MTO1: variants seen among roughly 807,000 people sequenced by gnomAD.
The protein encoded by MTO1 is mitochondrial tRNA translation optimization 1, also known as 5-taurinomethyluridine-[tRNA] synthase subunit MTO1, mitochondrial.
Under a neutral mutation model 71.6 loss-of-function variants are expected in MTO1, and 46 were observed. The ratio of observed to expected loss-of-function variants is 0.64; its 90% CI spans 0.51 to 0.82. MTO1 has a LOEUF of 0.82. MTO1 is among the 40% of genes least tolerant of loss of function. MTO1 has a pLI of 0.00. For synonymous variants in MTO1, 297 were observed against 312.1 expected (o/e 0.95, Z 0.51); for missense variants, 773 against 867.5 (o/e 0.89, Z 1.37).
At chr6:73,493,832 T>C (rs1771905236) in intron 10 of MTO1, among the ~76,000 whole-genome samples, 1 of 152,190 alleles carries the variant, frequency 6.6e-6, no homozygotes, top group Admixed American at 6.5e-5. Context: ...GACAAATACT[T>C]ACTTTGTATC....
In MTO1 at chr6:73,497,728, T is replaced by G. The variant is rs1367225864; in HGVS notation, c.1757-8T>G. ...GTATTATAACATGATTCTGATTTTG[T>G]TGACCAGCCACTTATGAATCAGTGT... On this transcript the variant is annotated splice_region_variant and splice_polypyrimidine_tract_variant and intron_variant, in intron 10 of 11. Coordinates refer to ENST00000498286, the MANE Select transcript of MTO1 (RefSeq NM_012123.4). The G allele has an allele frequency of 3.7e-6, 6 of 1,608,628 alleles. No homozygotes were observed. The highest frequency in any genetic ancestry group is 5.1e-6 in the Non-Finnish European group (6 of 1,175,782).
chr6:73,480,227 G>T (rs553871124), intron 6 of MTO1, 101 bp downstream of exon 6: 14 of 1,150,294 alleles, frequency 1.2e-5, no homozygotes, highest in African/African-American at 1.1e-4. Flanking sequence ...AGCCTCAGAA[G>T]ATGAAGCCCA....
rs1423259349 is a variant in MTO1, at chr6:73,461,949, C to G, written c.95C>G (p.Pro32Arg). ...LARLSSDSAA[P>R]RTPHFDVIVI... is the part of the protein sequence containing the mutation. ...CGGTTGAGCAGTGACAGCGCGGCGCCCCGGACTCCGCACTTCGACGTGATA... is the reference window on the plus strand; with the variant it reads ...CGGTTGAGCAGTGACAGCGCGGCGCGCCGGACTCCGCACTTCGACGTGATA... Residue 32 changes from proline to arginine, a missense_variant, in exon 1 of 12, where the codon CCC becomes CGC. Pro to Arg is a moderately radical substitution (Grantham distance 103, BLOSUM62 -2). Transcript: ENST00000498286. 1.2e-6 allele frequency: 2 copies of G among 1,614,240 alleles called. No individual in the cohort carries two copies. The highest frequency in any genetic ancestry group is 3.3e-5 in the Admixed American group (2 of 60,032).
At chr6:73,490,498 T>C (rs1290468122) in intron 9 of MTO1, among the ~76,000 whole-genome samples, 2 of 152,182 alleles carry the variant, frequency 1.3e-5, no homozygotes, top group African/African-American at 4.8e-5. Context: ...CAGTTTCAGC[T>C]TTCTACATAT....
chr6:73,480,661 T>C lies in MTO1; in HGVS notation c.1130-14T>C, dbSNP rs1322793205. ...TCTGTATTTACTTATTTAATGTCTTTGTTCTTTGGTCAGGCTACGGTGTTC... is the reference window on the plus strand; with the variant it reads ...TCTGTATTTACTTATTTAATGTCTTCGTTCTTTGGTCAGGCTACGGTGTTC... On this transcript the variant is annotated splice_polypyrimidine_tract_variant and intron_variant, in intron 6 of 11. Coordinates refer to ENST00000498286, the MANE Select transcript of MTO1 (RefSeq NM_012123.4). 6.2e-7 allele frequency: 1 copy of C among 1,613,328 alleles called. No individual in the cohort carries two copies. The highest frequency in any genetic ancestry group is 8.5e-7 in the Non-Finnish European group (1 of 1,179,576).
intron 3 of MTO1, among the ~76,000 whole-genome samples, chr6:73,467,117 C>G (rs1038627605): frequency 3.3e-5 from 5 of 151,870 alleles, no homozygotes; most frequent in African/African-American, 1.2e-4. Flanking sequence ...AGTTTGAGAC[C>G]AGCCTCGGCA....
chr6:73,473,851 A>G (rs975904211), intron 4 of MTO1, among the ~76,000 whole-genome samples, 197 bp downstream of exon 4: 7 of 150,056 alleles, frequency 4.7e-5, no homozygotes, highest in South Asian at 2.1e-4. Flanking sequence ...CAGTGGTACA[A>G]TTATGGGTCA....
At chr6:73,496,865 T>C (rs1038065614) in intron 10 of MTO1, among the ~76,000 whole-genome samples, 4 of 151,802 alleles carry the variant, frequency 2.6e-5, no homozygotes, top group Non-Finnish European at 4.4e-5. Flanking sequence ...CCAGCCTGGC[T>C]AACATGGTGA....
chr6:73,480,641 A>G (rs1308138649), intron 6 of MTO1, 34 bp from the exon 7 acceptor site: 5 of 1,611,256 alleles, frequency 3.1e-6, no homozygotes, highest in Non-Finnish European at 4.2e-6. Flanking sequence ...CCAGCTCTGT[A>G]TTTACTTATT....
Position 73,461,738 on chromosome 6 carries a change from T to C in MTO1, c.-117T>C. ...TCAGCGGCGACGCTGGACGTAGACGTCCTACCCCGTGATATTAAAGCAAGA... is the reference window on the plus strand; with the variant it reads ...TCAGCGGCGACGCTGGACGTAGACGCCCTACCCCGTGATATTAAAGCAAGA... On this transcript the variant is annotated 5_prime_UTR_variant, in exon 1 of 12. Coordinates refer to ENST00000498286, the MANE Select transcript of MTO1 (RefSeq NM_012123.4). 1 of 1,135,708 alleles carries C rather than the reference T, an allele frequency of 8.8e-7. No individual in the cohort carries two copies. The highest frequency in any genetic ancestry group is 2.3e-5 in the Admixed American group (1 of 43,982). 70.4% of individuals were successfully genotyped at this position (1,135,708 alleles called of 1,614,324 possible). A position where few individuals can be genotyped will look rare whatever the true frequency, so the allele number is the denominator to read the frequency against.
At position 73,509,044 on chromosome 6, in the gene MTO1, T is replaced by C. The variant is rs1396522465; in HGVS notation, c.*8309T>C. 1 of 152,242 alleles carries C rather than the reference T, an allele frequency of 6.6e-6. No homozygotes were observed. Among genetic ancestry groups the C allele is most frequent in the Admixed American group, 6.5e-5 (1 of 15,282 alleles). The allele number at this position is 152,242 out of a possible 1,614,324, so 9.4% of individuals were successfully genotyped here. On this transcript the variant is annotated 3_prime_UTR_variant, in exon 12 of 12. Coordinates refer to ENST00000498286, the MANE Select transcript of MTO1 (RefSeq NM_012123.4). ...ACAGCACTAGAAGTCAAACTCAAAT[T>C]GCTTACATGGTAACTTGGTTTATCC...
chr6:73,497,758 C>T lies in MTO1; in HGVS notation c.1779C>T (p.Phe593=). The T allele has an allele frequency of 6.2e-7, 1 of 1,613,686 alleles. No individual in the cohort carries two copies. The highest frequency in any genetic ancestry group is 8.5e-7 in the Non-Finnish European group (1 of 1,179,758). Residue 593 remains phenylalanine (F), a synonymous_variant, in exon 11 of 12, where the codon TTC becomes TTT. Coordinates refer to ENST00000498286, the MANE Select transcript of MTO1 (RefSeq NM_012123.4). ...CAGCCACTTATGAATCAGTGTTGTT[C>T]CATCAACTACAAGAAATAAAGGGAG... is the stretch of plus-strand genomic sequence containing the variant. ...KIEATYESVL[F]HQLQEIKGVQ... is the part of the protein sequence containing the mutation.
Position 73,482,290 on chromosome 6 carries a change from A to C in MTO1, c.1465+46A>C, listed in dbSNP as rs751835067. 3.1e-6 allele frequency: 5 copies of C among 1,602,088 alleles called. No individual in the cohort carries two copies. The African/African-American group carries it at 4.0e-5, about 13-fold the overall frequency. On this transcript the variant is annotated intron_variant, in intron 8 of 11. Transcript: ENST00000498286. Reference sequence around the variant, plus strand: ...GCAATCCAGCCAGGCATGGTGGCTCACACCTATAATCCAAGCAATTTGAGA... The same window carrying C: ...GCAATCCAGCCAGGCATGGTGGCTCCCACCTATAATCCAAGCAATTTGAGA...
chr6:73,498,253 C>G (rs560870879), intron 11 of MTO1, among the ~76,000 whole-genome samples: 2 of 151,386 alleles, frequency 1.3e-5, no homozygotes, highest in Non-Finnish European at 2.9e-5. Context: ...TCTTGTGTTT[C>G]TAAGACAGAT....
rs772600836 is a variant in MTO1, at chr6:73,482,055, A to G, written c.1276A>G (p.Ile426Val). ...EAAAQGVIAG[I>V]NASLRVSRKP... ...GCTCTTGTAGGGTGTGATAGCCGGA[A>G]TCAACGCCAGTCTTCGGGTCAGTCG... Residue 426 changes from isoleucine (I) to valine (V), a missense_variant, in exon 8 of 12, where the codon ATC becomes GTC. Coordinates refer to ENST00000498286, the MANE Select transcript of MTO1 (RefSeq NM_012123.4). 2 of 1,614,156 alleles carry G rather than the reference A, an allele frequency of 1.2e-6. No homozygotes were observed. Among genetic ancestry groups the G allele is most frequent in the South Asian group, 2.2e-5 (2 of 91,084 alleles).
intron 9 of MTO1, among the ~76,000 whole-genome samples, chr6:73,491,637 A>C (rs993795113): frequency 1.3e-5 from 2 of 152,184 alleles, no homozygotes; most frequent in Non-Finnish European, 2.9e-5. Flanking sequence ...GTGCTTAGGG[A>C]ATTCAGTGAA....
chr6:73,468,089 G>A (rs761523830), intron 3 of MTO1, among the ~76,000 whole-genome samples: 9 of 152,148 alleles, frequency 5.9e-5, no homozygotes, highest in Non-Finnish European at 1.3e-4. Flanking sequence ...AGAGTGCTGG[G>A]ATTACAGCTG....
In MTO1 at chr6:73,503,884, T is replaced by C. The variant is rs559744134; in HGVS notation, c.*3149T>C. On this transcript the variant is annotated 3_prime_UTR_variant, in exon 12 of 12. Coordinates refer to ENST00000498286, the MANE Select transcript of MTO1 (RefSeq NM_012123.4). Reference sequence around the variant, plus strand: ...TGTTACTGATGGTTTTAAAAGTATTTTGTCATTTTTTAGTTTCAACCTAGA... The same window carrying C: ...TGTTACTGATGGTTTTAAAAGTATTCTGTCATTTTTTAGTTTCAACCTAGA... The C allele has an allele frequency of 9.8e-5, 15 of 152,322 alleles. No homozygotes were observed. The highest frequency in any genetic ancestry group is 3.1e-4 in the African/African-American group (13 of 41,582). The allele number at this position is 152,322 out of a possible 1,614,324, so 9.4% of individuals were successfully genotyped here.
rs1772352489 is a variant in MTO1 at position 73,508,812 on chromosome 6, A to G, written c.*8077A>G. On this transcript the variant is annotated 3_prime_UTR_variant, in exon 12 of 12. Coordinates refer to ENST00000498286, the MANE Select transcript of MTO1 (RefSeq NM_012123.4). ...ATATATAGAATCCTGCAAGAGGCTC[A>G]ACAGGGAAGTCCAAAGAGTCAATCA... 6.6e-6 allele frequency: 1 copy of G among 152,232 alleles called. No homozygotes were observed. The highest frequency in any genetic ancestry group is 6.5e-5 in the Admixed American group (1 of 15,278). 9.4% of individuals were successfully genotyped at this position (152,232 alleles called of 1,614,324 possible).
Sources: allele counts gnomAD v4.1 joint callset (sites outside exome capture counted in the v4.1 genomes callset), GRCh38; gene constraint gnomAD v4.1.1; transcripts MANE v1.5; gene names NCBI Gene and HGNC (gene_info 2026-07-23, HGNC 2026-07-21).